CPNE8: variants seen among roughly 807,000 people sequenced by gnomAD.
The protein encoded by CPNE8 is copine-8.
In CPNE8, 45 loss-of-function variants were observed where a neutral mutation model predicts 81.5. The observed-to-expected ratio is 0.55, with a 90% CI of 0.44 to 0.71. The LOEUF is 0.71. Ranked by LOEUF, CPNE8 falls within the 30% of genes least tolerant of loss-of-function variation. CPNE8 has a pLI of 0.00. For synonymous variants in CPNE8, 252 were observed against 226.3 expected (o/e 1.11, Z -1.02); for missense variants, 594 against 672.1 (o/e 0.88, Z 1.28).
chr12:38,775,218 C>A (rs1026004027), intron 7 of CPNE8, among the ~76,000 whole-genome samples: 1 of 152,128 alleles, frequency 6.6e-6, no homozygotes, highest in African/African-American at 2.4e-5. Context: ...AATTCCTGGG[C>A]TCAAGTGATC....
chr12:38,834,608 C>T lies in CPNE8; in HGVS notation c.331-5153G>A, dbSNP rs535505856. ...CAGTCAAACTACAACAGCCTTATAA[C>T]TGACCTCCTTAATTCCAGTCTTGCT... is the stretch of plus-strand genomic sequence containing the variant. On this transcript the variant is annotated intron_variant, in intron 5 of 19. Coordinates refer to ENST00000331366, the MANE Select transcript of CPNE8 (RefSeq NM_153634.3). Among the ~76,000 whole-genome samples, 19 of 152,336 alleles carry T rather than the reference C, an allele frequency of 1.2e-4. No individual in the cohort carries two copies. In the South Asian group the frequency reaches 3.7e-3, roughly 30 times the overall value.
chr12:38,809,792 A>G (rs1942896665), intron 6 of CPNE8, among the ~76,000 whole-genome samples: 1 of 152,212 alleles, frequency 6.6e-6, no homozygotes, highest in Non-Finnish European at 1.5e-5. Context: ...GGGGCTCTGT[A>G]TATAATCTAT....
intron 1 of CPNE8, 43 bp from the exon 2 acceptor site, chr12:38,874,554 AATATTT>A: frequency 7.8e-7 from 1 of 1,275,034 alleles, no homozygotes; most frequent in South Asian, 1.2e-5. Context: ...ATAAAAGCAA[AATATTT>A]ATATTTATAT....
intron 6 of CPNE8, among the ~76,000 whole-genome samples, chr12:38,782,841 C>T (rs1310252446): frequency 1.3e-5 from 2 of 151,892 alleles, no homozygotes; most frequent in Admixed American, 6.6e-5. Flanking sequence ...CCACCATGCT[C>T]AGCTAACGTT....
intron 19 of CPNE8, among the ~76,000 whole-genome samples, chr12:38,665,946 A>T (rs1939049206): frequency 6.6e-6 from 1 of 152,158 alleles, no homozygotes; most frequent in Admixed American, 6.5e-5. Flanking sequence ...AATGACAAAA[A>T]AAATGCCTTC....
chr12:38,785,082 C>G (rs1327636463), intron 6 of CPNE8, among the ~76,000 whole-genome samples: 4 of 151,466 alleles, frequency 2.6e-5, no homozygotes, highest in Non-Finnish European at 5.9e-5. Context: ...GTAGTTCCAG[C>G]TATTCAGAAG....
At chr12:38,876,800 T>C (rs1388074366) in intron 1 of CPNE8, among the ~76,000 whole-genome samples, 1 of 152,192 alleles carries the variant, frequency 6.6e-6, no homozygotes, top group African/African-American at 2.4e-5. Flanking sequence ...CTCAAGCATA[T>C]ATGATCGCAA....
chr12:38,773,571 A>T (rs542858697), intron 7 of CPNE8, among the ~76,000 whole-genome samples: 1 of 152,270 alleles, frequency 6.6e-6, no homozygotes, highest in South Asian at 2.1e-4. Flanking sequence ...AATAGTGAAA[A>T]AGGTAAGACT....
intron 2 of CPNE8, among the ~76,000 whole-genome samples, chr12:38,874,137 G>T (rs141063908): frequency 6.6e-6 from 1 of 151,652 alleles, no homozygotes; most frequent in Admixed American, 6.6e-5. Context: ...AAAAAGAAAC[G>T]TATTACTCTG....
intron 9 of CPNE8, among the ~76,000 whole-genome samples, chr12:38,761,787 G>A (rs1941577787): frequency 2.6e-5 from 4 of 152,154 alleles, no homozygotes; most frequent in Admixed American, 1.3e-4. Context: ...GCAACCATGA[G>A]TTATGCCAAA....
intron 3 of CPNE8, among the ~76,000 whole-genome samples, chr12:38,860,690 T>C (rs1943818302): frequency 6.6e-6 from 1 of 152,160 alleles, no homozygotes; most frequent in Admixed American, 6.6e-5. Context: ...TCATGCCATT[T>C]GTAACAACAT....
rs201846773 is a variant in CPNE8 at position 38,746,978 on chromosome 12, G to A, written c.722+13869C>T. Among the ~76,000 whole-genome samples, 7 of 152,142 alleles carry A rather than the reference G, an allele frequency of 4.6e-5. No homozygotes were observed. The East Asian group carries it at 1.4e-3, about 29-fold the overall frequency. On this transcript the variant is annotated intron_variant, in intron 10 of 19. Transcript: ENST00000331366. Reference sequence around the variant, plus strand: ...TTTATGAAGAGAAATAAGAAATGTGGGACACATGAGTGATCTGCAGGCCAC... The same window carrying A: ...TTTATGAAGAGAAATAAGAAATGTGAGACACATGAGTGATCTGCAGGCCAC...
intron 6 of CPNE8, among the ~76,000 whole-genome samples, chr12:38,800,222 A>C (rs1181238746): frequency 2.4e-5 from 2 of 84,756 alleles, no homozygotes; most frequent in Non-Finnish European, 6.0e-5. Flanking sequence ...ACAAACAAAA[A>C]GACAGCAGTA....
At chr12:38,862,215 G>C (rs1943846799) in intron 3 of CPNE8, among the ~76,000 whole-genome samples, 1 of 151,824 alleles carries the variant, frequency 6.6e-6, no homozygotes, top group African/African-American at 2.4e-5. Context: ...GATCCTGACT[G>C]TGTAACTGTA....
chr12:38,875,022 C>A (rs377765409), intron 1 of CPNE8, among the ~76,000 whole-genome samples: 1 of 152,192 alleles, frequency 6.6e-6, no homozygotes, highest in South Asian at 2.1e-4. Flanking sequence ...GTTGCTATTA[C>A]GGTTTCGGAA....
intron 10 of CPNE8, among the ~76,000 whole-genome samples, chr12:38,759,957 C>A (rs1323883673): frequency 1.3e-5 from 2 of 152,156 alleles, no homozygotes; most frequent in East Asian, 3.9e-4. Context: ...GGTATCCAGG[C>A]ACTTTCATCC....
At chr12:38,729,889 G>C (rs778244698) in intron 11 of CPNE8, among the ~76,000 whole-genome samples, 1 of 151,910 alleles carries the variant, frequency 6.6e-6, no homozygotes, top group Non-Finnish European at 1.5e-5. Flanking sequence ...CGGTAGTGAA[G>C]GTGCTCAGAT....
At chr12:38,822,003 G>A (rs1420051081) in intron 6 of CPNE8, among the ~76,000 whole-genome samples, 1 of 152,166 alleles carries the variant, frequency 6.6e-6, no homozygotes, top group Non-Finnish European at 1.5e-5. Context: ...TTTCCCAGAA[G>A]TAGATTAAAG....
chr12:38,848,222 A>G (rs1268862028), intron 4 of CPNE8, among the ~76,000 whole-genome samples: 1 of 152,218 alleles, frequency 6.6e-6, no homozygotes, highest in East Asian at 1.9e-4. Context: ...TGCTGAGCCA[A>G]ACTTAAGATC....
Sources: gnomAD v4.1 joint callset for allele counts (sites outside exome capture counted in the v4.1 genomes callset) on GRCh38, gnomAD v4.1.1 for gene constraint, MANE v1.5 for transcripts, NCBI Gene and HGNC (gene_info 2026-07-23, HGNC 2026-07-21) for gene names.